Variants in RARB observed in about 807,000 individuals in gnomAD.
The protein encoded by RARB is HBV-activated protein.
Under a neutral mutation model 51.9 loss-of-function variants are expected in RARB, and 17 were observed. The ratio of observed to expected loss-of-function variants is 0.33; its 90% CI spans 0.22 to 0.49. RARB has a LOEUF of 0.49. Ranked by LOEUF, RARB falls within the 20% of genes least tolerant of loss-of-function variation. The probability of loss-of-function intolerance (pLI) is 0.99; values close to 1 mark genes in which losing one functional copy is unlikely to be tolerated. For missense variants in RARB, 369 were observed against 550.8 expected (o/e 0.67, Z 3.30); for synonymous variants, 215 against 195.4 (o/e 1.10, Z -0.84).
chr3:24,959,391 C>T (rs1433748222), intron 2 of RARB, among the ~76,000 whole-genome samples: 2 of 152,142 alleles, frequency 1.3e-5, no homozygotes, highest in Non-Finnish European at 2.9e-5. Context: ...CTCCTGAAGT[C>T]CCACCATCAA....
intron 5 of RARB, among the ~76,000 whole-genome samples, chr3:25,327,485 C>G (rs57567176): frequency 6.6e-6 from 1 of 152,176 alleles, no homozygotes; most frequent in Non-Finnish European, 1.5e-5. Context: ...TTTTATAATT[C>G]TGAGAGAAAA....
intron 3 of RARB, among the ~76,000 whole-genome samples, chr3:25,524,150 C>T (rs1698533298): frequency 6.6e-6 from 1 of 152,150 alleles, no homozygotes; most frequent in Admixed American, 6.5e-5. Flanking sequence ...AGAACTGCTA[C>T]CTTTCCCTCC....
chr3:25,539,682 G>A (rs1559457832), intron 3 of RARB, among the ~76,000 whole-genome samples: 2 of 150,448 alleles, frequency 1.3e-5, no homozygotes, highest in African/African-American at 4.9e-5. Flanking sequence ...CCCATTAATG[G>A]ATCCTGGTAT....
At chr3:25,522,004 AC>A (rs59528103) in intron 3 of RARB, among the ~76,000 whole-genome samples, 22,384 of 151,594 alleles carry the variant, frequency 0.15, 3,322 homozygotes, top group African/African-American at 0.39. Flanking sequence ...CTCATATGTC[AC>A]CTTTTTATAT....
chr3:25,385,775 G>C (rs939927674), intron 5 of RARB, among the ~76,000 whole-genome samples: 4 of 152,086 alleles, frequency 2.6e-5, no homozygotes, highest in Admixed American at 2.6e-4. Context: ...TTACCCAAGG[G>C]CTTGAAAAGT....
chr3:25,039,209 A>G (rs1698064026), intron 2 of RARB, among the ~76,000 whole-genome samples: 2 of 152,216 alleles, frequency 1.3e-5, no homozygotes, highest in South Asian at 4.1e-4. Flanking sequence ...ATACGTATGA[A>G]ACAAAGAAGG....
intron 5 of RARB, among the ~76,000 whole-genome samples, chr3:25,312,874 T>C (rs1228082778): frequency 6.6e-6 from 1 of 152,200 alleles, no homozygotes; most frequent in Non-Finnish European, 1.5e-5. Context: ...CACCATTCCC[T>C]GTTGCCGCCA....
chr3:25,098,302 G>A (rs1331049057), intron 3 of RARB, among the ~76,000 whole-genome samples: 1 of 152,134 alleles, frequency 6.6e-6, no homozygotes, highest in Non-Finnish European at 1.5e-5. Context: ...TAACCACTTG[G>A]CTCTCACTGG....
intron 1 of RARB, among the ~76,000 whole-genome samples, chr3:24,838,136 T>G (rs1201919227): frequency 6.6e-6 from 1 of 152,206 alleles, no homozygotes; most frequent in African/African-American, 2.4e-5. Flanking sequence ...TCTCAACTTT[T>G]AGAGCCATTC....
intron 5 of RARB, among the ~76,000 whole-genome samples, chr3:25,271,455 G>A (rs939394082): frequency 2.6e-5 from 4 of 152,162 alleles, no homozygotes; most frequent in African/African-American, 7.2e-5. Flanking sequence ...ATTTAGTCAC[G>A]TTCCTTGGCC....
chr3:25,238,154 C>A (rs965713737), intron 5 of RARB, among the ~76,000 whole-genome samples: 6 of 151,058 alleles, frequency 4.0e-5, no homozygotes, highest in African/African-American at 1.2e-4. Flanking sequence ...TCCAGCGCCC[C>A]CCCACACATC....
chr3:25,222,741 G>A lies in RARB; in HGVS notation c.178+48166G>A, dbSNP rs189283373. Among the ~76,000 whole-genome samples the A allele has an allele frequency of 1.5e-3, 230 of 152,194 alleles. 1 individual carries two copies. Among genetic ancestry groups the A allele is most frequent in the African/African-American group, 5.4e-3 (224 of 41,536 alleles). ...GTATAAGAGATGCTAAGAACTTGATGGACTTTGCCTGCAATGGTAATAATA... is the reference window on the plus strand; with the variant it reads ...GTATAAGAGATGCTAAGAACTTGATAGACTTTGCCTGCAATGGTAATAATA... On this transcript the variant is annotated intron_variant, in intron 5 of 11. Coordinates refer to the RARB transcript ENST00000383772.
At chr3:24,965,816 C>G (rs1696241344) in intron 2 of RARB, among the ~76,000 whole-genome samples, 1 of 152,074 alleles carries the variant, frequency 6.6e-6, no homozygotes, top group Non-Finnish European at 1.5e-5. Flanking sequence ...TCCCAGTTTC[C>G]TCATCCCCCT....
chr3:24,934,459 T>C (rs189881706), intron 2 of RARB, among the ~76,000 whole-genome samples: 1 of 152,254 alleles, frequency 6.6e-6, no homozygotes, highest in East Asian at 1.9e-4. Flanking sequence ...TGCTGAGGGA[T>C]CATACCACAC....
chr3:25,452,631 A>G (rs1378668122), intron 1 of RARB, among the ~76,000 whole-genome samples: 1 of 150,072 alleles, frequency 6.7e-6, no homozygotes, highest in Admixed American at 6.7e-5. Context: ...CTAGGAAACA[A>G]ATCAGGGAGA....
At chr3:24,936,374 C>T (rs1575079970) in intron 2 of RARB, among the ~76,000 whole-genome samples, 1 of 152,086 alleles carries the variant, frequency 6.6e-6, no homozygotes, top group Non-Finnish European at 1.5e-5. Context: ...GTATACCTTC[C>T]CATGATACTC....
intron 5 of RARB, among the ~76,000 whole-genome samples, chr3:25,266,154 A>G (rs1307122467): frequency 6.6e-6 from 1 of 152,290 alleles, no homozygotes; most frequent in African/African-American, 2.4e-5. Flanking sequence ...CATATAACCT[A>G]ACATATTCAC....
intron 3 of RARB, among the ~76,000 whole-genome samples, chr3:25,077,305 G>C (rs1480282179): frequency 6.6e-6 from 1 of 152,172 alleles, no homozygotes; most frequent in Non-Finnish European, 1.5e-5. Flanking sequence ...TGCAATGTCT[G>C]TATCAAGATA....
intron 1 of RARB, 123 bp from the exon 2 acceptor site, chr3:25,461,070 A>T: frequency 8.8e-7 from 1 of 1,130,700 alleles, no homozygotes. Context: ...TGTTTTTATG[A>T]GCCCATTCTT....
Sources: gnomAD v4.1 joint callset for allele counts (sites outside exome capture counted in the v4.1 genomes callset) on GRCh38, gnomAD v4.1.1 for gene constraint, MANE v1.5 for transcripts, NCBI Gene and HGNC (gene_info 2026-07-23, HGNC 2026-07-21) for gene names.